Variants in DCAF1 observed in about 807,000 individuals in gnomAD.
DCAF1 encodes the protein DDB1- and CUL4-associated factor 1.
In DCAF1, 15 loss-of-function variants were observed where a neutral mutation model predicts 128.0. That is an observed-to-expected ratio of 0.12 (90% confidence interval 0.08 to 0.18). DCAF1 has a LOEUF of 0.18. Among genes scored for constraint, DCAF1 ranks in the 10% least tolerant of loss-of-function variants. DCAF1 has a pLI of 1.00. For missense variants in DCAF1, 988 were observed against 1,649.5 expected (o/e 0.60, Z 6.95); for synonymous variants, 610 against 603.0 (o/e 1.01, Z -0.17).
chr3:51,434,719 T>A (rs1700664681), intron 9 of DCAF1, among the ~76,000 whole-genome samples: 1 of 152,250 alleles, frequency 6.6e-6, no homozygotes, highest in Admixed American at 6.5e-5. Context: ...TTTTTAGAAC[T>A]AACCACGTGC....
chr3:51,485,913 G>A (rs562434104), intron 2 of DCAF1, among the ~76,000 whole-genome samples: 1 of 140,102 alleles, frequency 7.1e-6, no homozygotes, highest in South Asian at 2.2e-4. Context: ...TTTTTTTTGA[G>A]GCAGAGTTTT....
At position 51,414,104 on chromosome 3, in the gene DCAF1, GA is replaced by G. The variant is rs1236235594; in HGVS notation, c.3838-62del. 5 of 1,485,746 alleles carry G rather than the reference GA, an allele frequency of 3.4e-6. No homozygotes were observed. In the Admixed American group the frequency reaches 1.0e-4, roughly 30 times the overall value. 92.0% of individuals were successfully genotyped at this position (1,485,746 alleles called of 1,614,324 possible). On this transcript the variant is annotated intron_variant, in intron 19 of 24. Coordinates refer to ENST00000684031, the MANE Select transcript of DCAF1 (RefSeq NM_001387579.1). ...CAAAACTTATCTAATCTCATGGGAG[GA>G]AATTCTAAAATATCACTTTTTTTCC... is the stretch of plus-strand genomic sequence containing the variant.
chr3:51,478,898 T>G (rs937701474), intron 3 of DCAF1, among the ~76,000 whole-genome samples: 37 of 152,334 alleles, frequency 2.4e-4, no homozygotes, highest in African/African-American at 8.2e-4. Flanking sequence ...CCCCATGTAT[T>G]AAAAGCAATT....
intron 12 of DCAF1, 92 bp from the exon 13 acceptor site, chr3:51,427,633 A>C (rs1409605041): frequency 4.5e-6 from 2 of 444,514 alleles, no homozygotes; most frequent in African/African-American, 4.1e-5. Context: ...AAGAGATTTT[A>C]TTTTATTTAC....
At chr3:51,499,627 CT>C (rs1183957591) in intron 1 of DCAF1, among the ~76,000 whole-genome samples, 2 of 151,934 alleles carry the variant, frequency 1.3e-5, no homozygotes, top group Non-Finnish European at 2.9e-5. Flanking sequence ...TCTCGGGAAG[CT>C]TCTCGTGGGG....
intron 4 of DCAF1, among the ~76,000 whole-genome samples, chr3:51,468,329 G>A (rs1367903043): frequency 2.0e-5 from 3 of 151,994 alleles, no homozygotes; most frequent in Admixed American, 6.6e-5. Context: ...CTGCCACCAC[G>A]CTCAGCTAAT....
chr3:51,478,925 T>C (rs145290895), intron 3 of DCAF1, among the ~76,000 whole-genome samples: 1 of 152,282 alleles, frequency 6.6e-6, no homozygotes, highest in East Asian at 1.9e-4. Context: ...AATACATTTA[T>C]CCCCATTTAA....
intron 23 of DCAF1, among the ~76,000 whole-genome samples, chr3:51,410,344 CAG>C (rs1698287099): frequency 6.6e-6 from 1 of 152,210 alleles, no homozygotes; most frequent in Non-Finnish European, 1.5e-5. Context: ...AGAGCACACA[CAG>C]GGGATTTTAG....
chr3:51,469,642 C>T (rs2108187493), intron 4 of DCAF1, among the ~76,000 whole-genome samples: 3 of 152,232 alleles, frequency 2.0e-5, no homozygotes, highest in Middle Eastern at 6.8e-3. Flanking sequence ...TTATAGTAAA[C>T]ATAAAATGGC....
chr3:51,481,328 T>C (rs1706167839), intron 3 of DCAF1, among the ~76,000 whole-genome samples: 1 of 152,064 alleles, frequency 6.6e-6, no homozygotes, highest in South Asian at 2.1e-4. Context: ...GGAGGATGTA[T>C]TAAAAGAGGG....
At chr3:51,427,635 T>A in intron 12 of DCAF1, 94 bp from the exon 13 acceptor site, 1 of 444,766 alleles carries the variant, frequency 2.2e-6, no homozygotes, top group Non-Finnish European at 4.1e-6. Context: ...GAGATTTTAT[T>A]TTATTTACTT....
chr3:51,455,363 T>A (rs1702784734), intron 6 of DCAF1, among the ~76,000 whole-genome samples: 1 of 152,088 alleles, frequency 6.6e-6, no homozygotes, highest in Admixed American at 6.6e-5. Flanking sequence ...CCCAGCACTT[T>A]GGGAGGCCAA....
chr3:51,474,148 G>A (rs770918428), intron 3 of DCAF1, among the ~76,000 whole-genome samples: 11 of 152,172 alleles, frequency 7.2e-5, no homozygotes, highest in African/African-American at 1.7e-4. Flanking sequence ...GGCCGGCGCC[G>A]TGGCTCATGC....
At chr3:51,434,928 T>A (rs2107606342) in intron 9 of DCAF1, among the ~76,000 whole-genome samples, 1 of 152,220 alleles carries the variant, frequency 6.6e-6, no homozygotes, top group Non-Finnish European at 1.5e-5. Flanking sequence ...CTCCCCCTAC[T>A]GTTTCCCATG....
chr3:51,453,430 C>A (rs1276235837), intron 6 of DCAF1, among the ~76,000 whole-genome samples: 3 of 151,578 alleles, frequency 2.0e-5, no homozygotes, highest in African/African-American at 7.3e-5. Flanking sequence ...GAGTGTGAGA[C>A]CAGCCTGGGC....
intron 11 of DCAF1, 119 bp downstream of exon 11, chr3:51,429,914 G>A: frequency 1.9e-5 from 11 of 591,894 alleles, no homozygotes; most frequent in South Asian, 4.8e-5. Context: ...TTCACAAAAA[G>A]AATGGCAGCA....
chr3:51,412,645 A>T (rs1001313607), intron 22 of DCAF1, among the ~76,000 whole-genome samples, 165 bp from the exon 23 acceptor site: 5 of 152,198 alleles, frequency 3.3e-5, no homozygotes, highest in Non-Finnish European at 5.9e-5. Context: ...AGGACACATA[A>T]AGGGGAAGAA....
At chr3:51,427,251 C>CT in intron 13 of DCAF1, 121 bp downstream of exon 13, 1 of 563,812 alleles carries the variant, frequency 1.8e-6, no homozygotes, top group Non-Finnish European at 3.2e-6. Context: ...TTCTCAGATT[C>CT]AAGTCCAAAA....
At chr3:51,408,275 C>T (rs574188539) in intron 23 of DCAF1, among the ~76,000 whole-genome samples, 25 of 152,226 alleles carry the variant, frequency 1.6e-4, no homozygotes, top group African/African-American at 5.3e-4. Context: ...CTCGATAAAG[C>T]TCTTTATGCT....
Sources: gnomAD v4.1 joint callset for allele counts (sites outside exome capture counted in the v4.1 genomes callset) on GRCh38, gnomAD v4.1.1 for gene constraint, MANE v1.5 for transcripts, NCBI Gene and HGNC (gene_info 2026-07-23, HGNC 2026-07-21) for gene names.